Variants in HEPACAM2 observed in about 807,000 individuals in gnomAD.
HEPACAM2 encodes HEPACAM family member 2, also known as mitotic kinetics regulator.
HEPACAM2 carries 49 observed loss-of-function variants against 49.6 expected under a neutral mutation model. That is an observed-to-expected ratio of 0.99 (90% CI 0.78 to 1.25). The LOEUF (loss-of-function observed/expected upper bound fraction) is 1.25. HEPACAM2 is among the 50% of genes most tolerant of loss of function. HEPACAM2 has a pLI of 0.00. For synonymous variants in HEPACAM2, 197 were observed against 202.9 expected (o/e 0.97, Z 0.25); for missense variants, 525 against 557.2 (o/e 0.94, Z 0.58).
At position 93,192,515 on chromosome 7, in the gene HEPACAM2, A is replaced by G. The variant is rs529013206; in HGVS notation, c.1276-152T>C. On this transcript the variant is annotated intron_variant, in intron 8 of 9. Transcript: ENST00000394468. ...AGAAAGTTGACTTCCTCCTTGCTAC[A>G]CTTTTCTGCACTTACCCTATGGCAG... The G allele has an allele frequency of 6.5e-6, 4 of 619,352 alleles. No homozygotes were observed. The East Asian group carries it at 1.1e-4, about 17-fold the overall frequency. The allele number at this position is 619,352 out of a possible 1,614,324, so 38.4% of individuals were successfully genotyped here.
chr7:93,223,153 C>T (rs951792193), intron 1 of HEPACAM2, among the ~76,000 whole-genome samples: 1 of 152,154 alleles, frequency 6.6e-6, no homozygotes, highest in Non-Finnish European at 1.5e-5. Flanking sequence ...CCATTTTGTG[C>T]TTGTCATTTG....
At chr7:93,197,684 T>G in intron 4 of HEPACAM2, 74 bp from the exon 5 acceptor site, 3 of 1,079,256 alleles carry the variant, frequency 2.8e-6, no homozygotes, top group Non-Finnish European at 4.0e-6. Flanking sequence ...AATGCCGTAT[T>G]TTAAATGAGA....
intron 1 of HEPACAM2, among the ~76,000 whole-genome samples, chr7:93,225,245 C>G (rs947146156): frequency 1.9e-4 from 29 of 152,034 alleles, no homozygotes; most frequent in African/African-American, 6.8e-4. Flanking sequence ...AAGGTAGTGA[C>G]AGTTATAATA....
At chr7:93,220,849 C>T (rs1439627037) in intron 1 of HEPACAM2, among the ~76,000 whole-genome samples, 2 of 152,114 alleles carry the variant, frequency 1.3e-5, no homozygotes. Context: ...AGAGAGTCTT[C>T]CTTAGCTCAG....
At chr7:93,195,546 C>T (rs1003759127) in intron 8 of HEPACAM2, among the ~76,000 whole-genome samples, 3 of 152,098 alleles carry the variant, frequency 2.0e-5, no homozygotes, top group African/African-American at 7.2e-5. Context: ...TGACTTTCAA[C>T]CTAGTTAGTT....
intron 1 of HEPACAM2, among the ~76,000 whole-genome samples, chr7:93,222,320 T>A (rs1794466408): frequency 6.6e-6 from 1 of 152,082 alleles, no homozygotes; most frequent in Non-Finnish European, 1.5e-5. Flanking sequence ...CAAAAAAAAA[T>A]AGGCTTAGTA....
intron 4 of HEPACAM2, among the ~76,000 whole-genome samples, chr7:93,199,025 C>A (rs1307182272): frequency 6.6e-6 from 1 of 152,052 alleles, no homozygotes; most frequent in Non-Finnish European, 1.5e-5. Context: ...GTTATCTCTT[C>A]TAATTTCCCA....
Position 93,189,194 on chromosome 7 carries a change from T to C in HEPACAM2, c.*73A>G, listed in dbSNP as rs749110011. On this transcript the variant is annotated 3_prime_UTR_variant, in exon 10 of 10. Coordinates refer to ENST00000394468, the MANE Select transcript of HEPACAM2 (RefSeq NM_001039372.4). Reference sequence around the variant, plus strand: ...TTTCTTCACTGATTCCAGATTAATATACTTTTCCACTGTTTTTCCTTAAAA... The same window carrying C: ...TTTCTTCACTGATTCCAGATTAATACACTTTTCCACTGTTTTTCCTTAAAA... 1 of 1,307,670 alleles carries C rather than the reference T, an allele frequency of 7.6e-7. No homozygotes were observed. 81.0% of individuals were successfully genotyped at this position (1,307,670 alleles called of 1,614,324 possible).
intron 8 of HEPACAM2, 108 bp from the exon 9 acceptor site, chr7:93,192,471 A>T: frequency 1.3e-6 from 1 of 769,870 alleles, no homozygotes; most frequent in East Asian, 2.6e-5. Flanking sequence ...TTAGAGAATT[A>T]GAACTATTTA....
intron 1 of HEPACAM2, among the ~76,000 whole-genome samples, chr7:93,223,833 C>T (rs1248877548): frequency 2.6e-5 from 4 of 152,096 alleles, no homozygotes; most frequent in Non-Finnish European, 4.4e-5. Flanking sequence ...CTTCATTGGA[C>T]ATGAACCTAT....
At chr7:93,203,179 CT>C (rs1340931883) in intron 4 of HEPACAM2, among the ~76,000 whole-genome samples, 1 of 152,096 alleles carries the variant, frequency 6.6e-6, no homozygotes, top group East Asian at 1.9e-4. Context: ...AGGGACAATC[CT>C]TTTCTCGGAA....
Position 93,208,881 on chromosome 7 carries a change from ATC to A in HEPACAM2, c.716-7_716-6del. 6.5e-7 allele frequency: 1 copy of A among 1,550,196 alleles called. No homozygotes were observed. Among genetic ancestry groups the A allele is most frequent in the Admixed American group, 2.0e-5 (1 of 49,258 alleles). ...CTTGAAGTCCATAAGGTCCATCTGC[ATC>A]AATATAAAAAAAAATAGATAAGTAA... On this transcript the variant is annotated splice_region_variant and splice_polypyrimidine_tract_variant and intron_variant, in intron 3 of 9. Coordinates refer to ENST00000394468, the MANE Select transcript of HEPACAM2 (RefSeq NM_001039372.4).
rs1395792685 is a variant in HEPACAM2, at chr7:93,215,390, A to G, written c.715+11T>C. 1 of 1,605,646 alleles carries G rather than the reference A, an allele frequency of 6.2e-7. No individual in the cohort carries two copies. Among genetic ancestry groups the G allele is most frequent in the African/African-American group, 1.3e-5 (1 of 74,534 alleles). On this transcript the variant is annotated intron_variant, in intron 3 of 9. Transcript: ENST00000394468. ...AAAAACAACTCATGAGTTAAAAAAA[A>G]ATAAACTTACAATATATGATGGGCA...
Position 93,197,266 on chromosome 7 carries a change from T to C in HEPACAM2, c.1176A>G (p.Glu392=). The change falls in exon 7 of 10, where the codon GAA becomes GAG. Residue 392 remains glutamate, a synonymous_variant. Coordinates refer to ENST00000394468, the MANE Select transcript of HEPACAM2 (RefSeq NM_001039372.4). ...KQKLEGRPET[E]YRKAQTFSGH... is the part of the protein sequence containing the mutation. ...CTGAAAATGTTTGAGCTTTCCTGTA[T>C]TCTGTTTCTGGCCTGAAAAGACAAA... The C allele has an allele frequency of 6.2e-7, 1 of 1,611,402 alleles. No homozygotes were observed. Among genetic ancestry groups the C allele is most frequent in the Non-Finnish European group, 8.5e-7 (1 of 1,178,702 alleles).
chr7:93,195,893 C>T lies in HEPACAM2; in HGVS notation c.1210G>A (p.Asp404Asn). 6.2e-7 allele frequency: 1 copy of T among 1,611,426 alleles called. No homozygotes were observed. The highest frequency in any genetic ancestry group is 8.5e-7 in the Non-Finnish European group (1 of 1,178,180). The part of the protein sequence containing the change: ...RKAQTFSGHE[D>N]ALDDFGIYEF... The stretch of plus-strand genomic sequence containing the variant: ...TATATTCCGAAGTCATCCAGAGCAT[C>T]TTCATGGCCTGAAATGTAAAACAAA... Residue 404 changes from aspartate to asparagine, a missense_variant, in exon 8 of 10, where the codon GAT (aspartate) becomes AAT (asparagine). Coordinates refer to ENST00000394468, the MANE Select transcript of HEPACAM2 (RefSeq NM_001039372.4).
intron 1 of HEPACAM2, 33 bp downstream of exon 1, chr7:93,226,335 A>G (rs1326057386): frequency 6.6e-7 from 1 of 1,521,452 alleles, no homozygotes; most frequent in East Asian, 2.2e-5. Context: ...AAACCTAACA[A>G]ACAGCTAAAA....
chr7:93,224,188 G>C (rs546595352), intron 1 of HEPACAM2, among the ~76,000 whole-genome samples: 1 of 151,938 alleles, frequency 6.6e-6, no homozygotes, highest in East Asian at 1.9e-4. Flanking sequence ...GGCACTTTAG[G>C]GGACTGAGGT....
At chr7:93,232,026 C>T in the HEPACAM2 span, among the ~76,000 whole-genome samples, 1 of 152,228 alleles carries the variant, frequency 6.6e-6, no homozygotes, top group African/African-American at 2.4e-5. Flanking sequence ...AGGTTTCCTC[C>T]CTCACACTCC....
rs747804082 is a variant in HEPACAM2, at chr7:93,215,576, G to T, written c.540C>A (p.Tyr180Ter). The T allele has an allele frequency of 6.2e-7, 1 of 1,613,554 alleles. No homozygotes were observed. The highest frequency in any genetic ancestry group is 2.2e-5 in the East Asian group (1 of 44,862). The change falls in exon 3 of 10, where the codon TAC becomes TAA. Residue 180 changes from tyrosine (Y) to a stop codon, truncating the protein, a stop_gained. Coordinates refer to ENST00000394468, the MANE Select transcript of HEPACAM2 (RefSeq NM_001039372.4). LOFTEE classifies it high-confidence loss of function. ...CHVEGGTRLA[Y>*]QWLKNGRPVH... ...CAGGTCTCCCATTTTTTAGCCATTG[G>T]TAAGCTAGCCGAGTGCCCCCTTCCA...
Sources: allele counts gnomAD v4.1 joint callset (sites outside exome capture counted in the v4.1 genomes callset), GRCh38; gene constraint gnomAD v4.1.1; transcripts MANE v1.5; gene names NCBI Gene and HGNC (gene_info 2026-07-23, HGNC 2026-07-21).